IRAK3: variants seen among roughly 807,000 people sequenced by gnomAD.
IRAK3 encodes the protein interleukin-1 receptor-associated kinase 3.
Under a neutral mutation model 56.6 loss-of-function variants are expected in IRAK3, and 57 were observed. The ratio of observed to expected loss-of-function variants is 1.01; its 90% CI spans 0.81 to 1.26. IRAK3 has a LOEUF of 1.26. Ranked by LOEUF, IRAK3 falls within the 50% of genes most tolerant of loss-of-function variation. The pLI is 0.00. For missense variants in IRAK3, 703 were observed against 719.0 expected, an observed-to-expected ratio of 0.98 and a Z score of 0.25; for synonymous variants, 258 against 255.7, an observed-to-expected ratio of 1.01 and a Z score of -0.09.
intron 6 of IRAK3, among the ~76,000 whole-genome samples, chr12:66,224,537 A>G (rs1370127): frequency 0.63 from 95,619 of 151,980 alleles, 30,409 homozygotes; most frequent in Admixed American, 0.68. Flanking sequence ...AATATTAAGG[A>G]AATTACCTTA....
intron 8 of IRAK3, among the ~76,000 whole-genome samples, chr12:66,233,519 G>A (rs1565809299): frequency 3.4e-5 from 5 of 145,502 alleles, no homozygotes; most frequent in Admixed American, 6.8e-5. Context: ...CTCCGTCTCG[G>A]AAAAAAAAAA....
intron 2 of IRAK3, among the ~76,000 whole-genome samples, chr12:66,207,631 T>C (rs2052570078): frequency 6.6e-6 from 1 of 152,214 alleles, no homozygotes; most frequent in Non-Finnish European, 1.5e-5. Context: ...TTGATGCCTT[T>C]CTTCTTTTTT....
At chr12:66,204,163 A>G (rs1468355383) in intron 2 of IRAK3, among the ~76,000 whole-genome samples, 3 of 152,296 alleles carry the variant, frequency 2.0e-5, no homozygotes, top group African/African-American at 7.2e-5. Context: ...CACTTTTAAA[A>G]ATGTTTCATT....
chr12:66,225,505 C>A (rs2052776872), intron 6 of IRAK3, among the ~76,000 whole-genome samples: 1 of 151,706 alleles, frequency 6.6e-6, no homozygotes, highest in Admixed American at 6.6e-5. Context: ...GAAAATTTTG[C>A]TACTGCAGAA....
chr12:66,211,536 T>C lies in IRAK3; in HGVS notation c.527T>C (p.Ile176Thr). ...GACTTCCTAATTGGAGAAGGAGAGATTTTTGAGGTATACAGAGTGGAGATT... is the reference window on the plus strand; with the variant it reads ...GACTTCCTAATTGGAGAAGGAGAGACTTTTGAGGTATACAGAGTGGAGATT... Reference protein sequence around the residue: ...HKDFLIGEGEIFEVYRVEIQN... With the variant: ...HKDFLIGEGETFEVYRVEIQN... The change falls in exon 5 of 12, where the codon ATT (isoleucine) becomes ACT (threonine). Residue 176 changes from isoleucine (I) to threonine (T), a missense_variant. Ile to Thr is a moderately conservative substitution (Grantham distance 89). Coordinates refer to ENST00000261233, the MANE Select transcript of IRAK3 (RefSeq NM_007199.3). The C allele has an allele frequency of 3.1e-6, 5 of 1,611,070 alleles. No homozygotes were observed. The highest frequency in any genetic ancestry group is 2.2e-5 in the East Asian group (1 of 44,826).
chr12:66,213,436 T>C (rs542364211), intron 5 of IRAK3, among the ~76,000 whole-genome samples: 1 of 152,128 alleles, frequency 6.6e-6, no homozygotes, highest in South Asian at 2.1e-4. Context: ...GGAGGAACAA[T>C]TGAGACAGTA....
At chr12:66,240,194 G>T (rs947313096) in intron 8 of IRAK3, among the ~76,000 whole-genome samples, 2 of 152,090 alleles carry the variant, frequency 1.3e-5, no homozygotes, top group Non-Finnish European at 2.9e-5. Flanking sequence ...ATTTAATACT[G>T]GTAAGAACCC....
chr12:66,197,363 A>G (rs1310434643), intron 1 of IRAK3: 6 of 1,003,338 alleles, frequency 6.0e-6, no homozygotes, highest in Non-Finnish European at 7.1e-6. Flanking sequence ...GAAGAAAATG[A>G]TAAATATTGA....
intron 1 of IRAK3, among the ~76,000 whole-genome samples, chr12:66,202,976 A>G (rs2052523868): frequency 6.6e-6 from 1 of 152,226 alleles, no homozygotes; most frequent in South Asian, 2.1e-4. Flanking sequence ...AAACAACTGG[A>G]TAAATAAATA....
At chr12:66,197,508 G>A (rs1469074085) in intron 1 of IRAK3, 1 of 984,710 alleles carries the variant, frequency 1.0e-6, no homozygotes, top group Non-Finnish European at 1.2e-6. Flanking sequence ...TATTCAGAAT[G>A]CATCATCATT....
chr12:66,191,028 C>G (rs2052393901), intron 1 of IRAK3, among the ~76,000 whole-genome samples: 4 of 152,166 alleles, frequency 2.6e-5, no homozygotes, highest in Admixed American at 1.3e-4. Context: ...TGAGAACAAA[C>G]AAAAGCTATT....
At chr12:66,244,331 A>G (rs1307280680) in intron 8 of IRAK3, among the ~76,000 whole-genome samples, 155 bp from the exon 9 acceptor site, 1 of 152,256 alleles carries the variant, frequency 6.6e-6, no homozygotes, top group African/African-American at 2.4e-5. Context: ...AAGAAAAATG[A>G]AAGAATGTTC....
intron 11 of IRAK3, among the ~76,000 whole-genome samples, 184 bp downstream of exon 11, chr12:66,245,446 C>T (rs1234311881): frequency 6.7e-6 from 1 of 150,232 alleles, no homozygotes; most frequent in East Asian, 2.0e-4. Flanking sequence ...TGTTAGAGGT[C>T]ATTTCTAGGT....
At chr12:66,208,416 C>T (rs1238890452) in intron 2 of IRAK3, among the ~76,000 whole-genome samples, 1 of 152,016 alleles carries the variant, frequency 6.6e-6, no homozygotes, top group East Asian at 1.9e-4. Context: ...TAAACTAACC[C>T]AGGAAGATAT....
intron 5 of IRAK3, among the ~76,000 whole-genome samples, chr12:66,215,786 G>GCA (rs71096080): frequency 0.19 from 23,129 of 121,992 alleles, 1,961 homozygotes; most frequent in Middle Eastern, 0.26. Flanking sequence ...AACCCAACAT[G>GCA]CACACACACA....
At chr12:66,239,943 A>G (rs1450845008) in intron 8 of IRAK3, among the ~76,000 whole-genome samples, 1 of 152,172 alleles carries the variant, frequency 6.6e-6, no homozygotes, top group African/African-American at 2.4e-5. Flanking sequence ...TCCTGGAACT[A>G]TTTGAAACTC....
Position 66,203,739 on chromosome 12 carries a change from T to C in IRAK3, c.162T>C (p.Asp54=), listed in dbSNP as rs2136919263. 6.2e-7 allele frequency: 1 copy of C among 1,614,132 alleles called. No homozygotes were observed. Among genetic ancestry groups the C allele is most frequent in the Non-Finnish European group, 8.5e-7 (1 of 1,180,010 alleles). ...AGAGACTTTCAAGCAGCTGGCTGGA[T>C]GTTCGTCATATTGAAAAGTATGTAG... ...LAERLSSSWL[D]VRHIEKYVDQ... is the part of the protein sequence containing the mutation. Residue 54 remains aspartate, a synonymous_variant, in exon 2 of 12, where the codon GAT becomes GAC. Coordinates refer to ENST00000261233, the MANE Select transcript of IRAK3 (RefSeq NM_007199.3).
chr12:66,196,575 A>G (rs2052455201), intron 1 of IRAK3, among the ~76,000 whole-genome samples: 1 of 152,224 alleles, frequency 6.6e-6, no homozygotes, highest in Admixed American at 6.5e-5. Context: ...AGAGCAGGAC[A>G]GACAGAGGGG....
chr12:66,197,822 C>A lies in IRAK3; in HGVS notation c.134-5889C>A, dbSNP rs2052469299. Reference sequence around the variant, plus strand: ...TCTCAGAAATGTGCTTAAGGGAAAGCATCTGATATTAGCAGTTTCTCAGCC... The same window carrying A: ...TCTCAGAAATGTGCTTAAGGGAAAGAATCTGATATTAGCAGTTTCTCAGCC... On this transcript the variant is annotated intron_variant, in intron 1 of 11. Coordinates refer to ENST00000261233, the MANE Select transcript of IRAK3 (RefSeq NM_007199.3). 6 of 985,174 alleles carry A rather than the reference C, an allele frequency of 6.1e-6. No homozygotes were observed. The Admixed American group carries it at 1.8e-4, about 30-fold the overall frequency. 61.0% of individuals were successfully genotyped at this position (985,174 alleles called of 1,614,324 possible). A position where few individuals can be genotyped will look rare whatever the true frequency, so the allele number is the denominator to read the frequency against.
Sources: allele counts gnomAD v4.1 joint callset (sites outside exome capture counted in the v4.1 genomes callset), GRCh38; gene constraint gnomAD v4.1.1; transcripts MANE v1.5; gene names NCBI Gene and HGNC (gene_info 2026-07-23, HGNC 2026-07-21).